The following CLTRN variants were observed in gnomAD, a reference collection of about 807,000 sequenced individuals.
CLTRN encodes the protein collectrin, amino acid transport regulator.
Under a neutral mutation model 14.5 loss-of-function variants are expected in CLTRN, and 12 were observed. The observed-to-expected ratio is 0.83, with a 90% CI of 0.53 to 1.34. The LOEUF is 1.34. Among genes scored for constraint, CLTRN ranks in the 40% most tolerant of loss-of-function variants. The pLI is 0.00. For synonymous variants in CLTRN, 58 were observed against 56.5 expected (o/e 1.03, Z -0.12); for missense variants, 154 against 165.1 (o/e 0.93, Z 0.37).
chrX:15,663,889 A>T (rs1226036839), intron 2 of CLTRN, among the ~76,000 whole-genome samples: 4 of 112,616 alleles, frequency 3.6e-5, no homozygotes, highest in Non-Finnish European at 5.6e-5. Context: ...ATAATTGAAG[A>T]AACTTCAGGT....
intron 5 of CLTRN, among the ~76,000 whole-genome samples, chrX:15,633,667 C>T (rs1173691531): frequency 1.8e-5 from 2 of 112,554 alleles, no homozygotes; most frequent in Admixed American, 9.4e-5. Flanking sequence ...GAGCCACATC[C>T]GCTTGTGTGA....
At chrX:15,663,807 T>A (rs1276092637) in intron 2 of CLTRN, among the ~76,000 whole-genome samples, 1 of 112,641 alleles carries the variant, frequency 8.9e-6, no homozygotes, top group Non-Finnish European at 1.9e-5. Context: ...TATAGCCACA[T>A]GGGCCCTATG....
intron 5 of CLTRN, among the ~76,000 whole-genome samples, chrX:15,633,040 G>T (rs1382789461): frequency 1.8e-5 from 2 of 110,926 alleles, no homozygotes; most frequent in Admixed American, 1.9e-4. Context: ...TGATTCTGGG[G>T]GTAAATAGGG....
At chrX:15,638,539 C>T (rs1179260775) in intron 5 of CLTRN, among the ~76,000 whole-genome samples, 3 of 111,987 alleles carry the variant, frequency 2.7e-5, no homozygotes, top group East Asian at 5.6e-4. Context: ...AAACCATGTC[C>T]CTGTTATTTT....
intron 1 of CLTRN, chrX:15,674,832 A>T (rs1477548448): frequency 8.8e-6 from 1 of 113,153 alleles, no homozygotes; most frequent in African/African-American, 3.2e-5. Flanking sequence ...TGGCCTGGGA[A>T]CCTAACGCGT....
chrX:15,671,605 GAGA>G (rs1187738687), intron 1 of CLTRN, among the ~76,000 whole-genome samples: 2 of 111,524 alleles, frequency 1.8e-5, no homozygotes, highest in African/African-American at 6.5e-5. Flanking sequence ...AAATGACACA[GAGA>G]AGGACAATGG....
chrX:15,633,844 A>C (rs1928756797), intron 5 of CLTRN, among the ~76,000 whole-genome samples: 1 of 112,584 alleles, frequency 8.9e-6, no homozygotes, highest in Admixed American at 9.4e-5. Context: ...TTGTTACTAT[A>C]AGATTACAAT....
chrX:15,657,749 T>C (rs1294839172), intron 3 of CLTRN, among the ~76,000 whole-genome samples: 2 of 112,018 alleles, frequency 1.8e-5, no homozygotes, highest in African/African-American at 6.5e-5. Context: ...ATACAATATA[T>C]ATAATTTTAA....
intron 5 of CLTRN, among the ~76,000 whole-genome samples, chrX:15,630,441 T>C (rs750940237): frequency 1.8e-5 from 2 of 111,449 alleles, no homozygotes; most frequent in Non-Finnish European, 3.8e-5. Flanking sequence ...AGAAATTTCT[T>C]GTATCTCTTG....
At chrX:15,662,050 T>A (rs192739905) in intron 2 of CLTRN, among the ~76,000 whole-genome samples, 2 of 111,147 alleles carry the variant, frequency 1.8e-5, no homozygotes. Context: ...TTGGTTTAAC[T>A]CTAAATTCAT....
intron 4 of CLTRN, among the ~76,000 whole-genome samples, 193 bp downstream of exon 4, chrX:15,644,723 G>A (rs774335790): frequency 1.8e-5 from 2 of 111,625 alleles, no homozygotes; most frequent in South Asian, 7.5e-4. Context: ...CTCCTTGAAG[G>A]TAAAATTGCC....
upstream of CLTRN, chrX:15,675,022 G>A (rs1408056052): frequency 1.8e-5 from 2 of 112,971 alleles, no homozygotes; most frequent in Non-Finnish European, 3.7e-5. Flanking sequence ...GAGAATGGAA[G>A]GGGTTAGCCA....
chrX:15,651,754 T>C (rs148144707), intron 3 of CLTRN, among the ~76,000 whole-genome samples: 2,275 of 111,182 alleles, frequency 0.02, 55 homozygotes, highest in African/African-American at 0.07. Flanking sequence ...CAGCAAGTGA[T>C]TGGGGGGAAA....
upstream of CLTRN, among the ~76,000 whole-genome samples, chrX:15,666,236 A>G (rs1929618553): frequency 1.8e-5 from 2 of 112,008 alleles, no homozygotes; most frequent in South Asian, 7.5e-4. Flanking sequence ...AACCTAAAAT[A>G]AAAGTTTTAA....
intron 3 of CLTRN, chrX:15,646,168 G>C (rs1214447314): frequency 2.4e-5 from 4 of 168,148 alleles, no homozygotes; most frequent in Non-Finnish European, 3.4e-5. Context: ...GGCGCCACTT[G>C]CCCCTTCTGC....
At chrX:15,675,147 C>G (rs1366893208), upstream of CLTRN, 1 of 112,756 alleles carries the variant, frequency 8.9e-6, no homozygotes, top group Non-Finnish European at 1.9e-5. Context: ...AACGAGCTGA[C>G]TTTAGCCCTT....
At chrX:15,639,172 G>A (rs1281049282) in intron 5 of CLTRN, among the ~76,000 whole-genome samples, 1 of 111,897 alleles carries the variant, frequency 8.9e-6, no homozygotes, top group Non-Finnish European at 1.9e-5. Context: ...GCCAAAGTAG[G>A]GAGGCATGCA....
intron 4 of CLTRN, among the ~76,000 whole-genome samples, chrX:15,642,927 A>T (rs765207137): frequency 8.4e-5 from 4 of 47,583 alleles, no homozygotes; most frequent in Non-Finnish European, 1.4e-4. Context: ...CTGTCTCTAC[A>T]AAAAAAAAAA....
chrX:15,654,967 C>T (rs1012383959), intron 3 of CLTRN, among the ~76,000 whole-genome samples: 15 of 112,499 alleles, frequency 1.3e-4, no homozygotes, highest in African/African-American at 4.9e-4. Context: ...TCAGCTCCTT[C>T]TTCCTCGCCT....
Sources: allele counts gnomAD v4.1 joint callset (sites outside exome capture counted in the v4.1 genomes callset), GRCh38; gene constraint gnomAD v4.1.1; transcripts MANE v1.5; gene names NCBI Gene and HGNC (gene_info 2026-07-23, HGNC 2026-07-21).